CAPRIN1: variants seen among roughly 807,000 people sequenced by gnomAD.
CAPRIN1 encodes the protein cell cycle associated protein 1.
A neutral mutation model predicts 100.9 loss-of-function variants in CAPRIN1; 29 were observed. That is an observed-to-expected ratio of 0.29 (90% CI 0.21 to 0.39). CAPRIN1 has a LOEUF of 0.39. CAPRIN1 is among the 10% of genes least tolerant of loss of function. The probability of loss-of-function intolerance (pLI) is 1.00; values close to 1 mark genes in which losing one functional copy is unlikely to be tolerated. For missense variants in CAPRIN1, 795 were observed against 876.7 expected (o/e 0.91, Z 1.18); for synonymous variants, 338 against 307.5 (o/e 1.10, Z -1.04).
chr11:34,065,590 TCTCTG>T (rs1303206435), intron 2 of CAPRIN1, among the ~76,000 whole-genome samples: 4 of 152,124 alleles, frequency 2.6e-5, no homozygotes, highest in African/African-American at 9.7e-5. Flanking sequence ...CAACATAGGG[TCTCTG>T]CTCTGCAGAG....
intron 7 of CAPRIN1, among the ~76,000 whole-genome samples, chr11:34,082,206 A>C (rs1347999680): frequency 6.6e-6 from 1 of 151,622 alleles, no homozygotes; most frequent in Admixed American, 6.6e-5. Flanking sequence ...TTATTTTTTG[A>C]GATGGAGTTT....
chr11:34,087,991 GTATA>G (rs1285017726), intron 11 of CAPRIN1, among the ~76,000 whole-genome samples: 1 of 152,086 alleles, frequency 6.6e-6, no homozygotes, highest in Admixed American at 6.6e-5. Flanking sequence ...CTGTTAAAAA[GTATA>G]TATTATTTAT....
chr11:34,076,392 G>C lies in CAPRIN1; in HGVS notation c.523G>C (p.Val175Leu), dbSNP rs1256361609. Residue 175 changes from valine to leucine, a missense_variant, in exon 5 of 19, where the codon GTG becomes CTG. Val to Leu is a conservative substitution (Grantham distance 32). Around this residue, in one of 3 missense-constraint regions of CAPRIN1, gnomAD observed 648 missense variants for 697.9 expected, o/e 0.93. Transcript: ENST00000341394. ...RTDLKQGLNG[V>L]PILSEEELSL... ...TGACCTGAAACAAGGTTTGAATGGA[G>C]TGCCAATATTGTCCGAAGAGGAGTT... The C allele has an allele frequency of 6.2e-7, 1 of 1,614,194 alleles. No homozygotes were observed. The highest frequency in any genetic ancestry group is 8.5e-7 in the Non-Finnish European group (1 of 1,180,034).
At chr11:34,083,432 G>A (rs944707081) in intron 9 of CAPRIN1, among the ~76,000 whole-genome samples, 3 of 152,094 alleles carry the variant, frequency 2.0e-5, no homozygotes, top group Admixed American at 6.6e-5. Context: ...TTCCTCTAGC[G>A]TTTTCTAATG....
Position 34,099,306 on chromosome 11 carries a change from G to C in CAPRIN1, c.2069G>C (p.Arg690Pro). ...AAATGCCATTTTTGTCTTCTAGGTC[G>C]TGGAGGGCCCCCAAGACCCAACAGA... Reference protein sequence around the residue: ...QSGPRGAPRGRGGPPRPNRGM... With the variant: ...QSGPRGAPRGPGGPPRPNRGM... Residue 690 changes from arginine (R) to proline (P), a missense_variant, in exon 19 of 19, where the codon CGT becomes CCT. Transcript: ENST00000341394. 6.2e-7 allele frequency: 1 copy of C among 1,613,444 alleles called. No homozygotes were observed. Among genetic ancestry groups the C allele is most frequent in the Non-Finnish European group, 8.5e-7 (1 of 1,179,426 alleles).
chr11:34,091,674 C>G (rs1227080488), intron 14 of CAPRIN1: 5 of 340,818 alleles, frequency 1.5e-5, no homozygotes, highest in Non-Finnish European at 2.1e-5. Flanking sequence ...TTTTAATTCC[C>G]TACTTCCATT....
chr11:34,095,068 T>C (rs1449498673), intron 15 of CAPRIN1, among the ~76,000 whole-genome samples: 1 of 151,918 alleles, frequency 6.6e-6, no homozygotes, highest in African/African-American at 2.4e-5. Flanking sequence ...ATTTTGTTGT[T>C]GTTGTTGTTG....
intron 11 of CAPRIN1, among the ~76,000 whole-genome samples, chr11:34,088,455 GT>G (rs1342476209): frequency 1.3e-5 from 2 of 152,108 alleles, no homozygotes; most frequent in Non-Finnish European, 2.9e-5. Flanking sequence ...GAGCCCAGGA[GT>G]TTGAGACCAG....
At chr11:34,097,566 G>T in intron 17 of CAPRIN1, 132 bp from the exon 18 acceptor site, 1 of 906,394 alleles carries the variant, frequency 1.1e-6, no homozygotes, top group Admixed American at 2.2e-5. Flanking sequence ...ACAAGGTGTA[G>T]CTGTGATAAA....
intron 2 of CAPRIN1, among the ~76,000 whole-genome samples, chr11:34,068,255 C>G (rs557229930): frequency 5.9e-5 from 9 of 152,310 alleles, no homozygotes; most frequent in Admixed American, 5.9e-4. Flanking sequence ...GCTCCAAATA[C>G]AAGGTGTTTG....
At chr11:34,079,515 G>A (rs539389646) in intron 6 of CAPRIN1, 113 bp from the exon 7 acceptor site, 1 of 752,236 alleles carries the variant, frequency 1.3e-6, no homozygotes, top group Middle Eastern at 3.8e-4. Flanking sequence ...ATGTGTATAT[G>A]TGTTTTAGTA....
Position 34,092,151 on chromosome 11 carries a change from A to G in CAPRIN1, c.1705+95A>G, listed in dbSNP as rs1590746069. The G allele has an allele frequency of 6.3e-6, 8 of 1,268,034 alleles. No homozygotes were observed. In the East Asian group the frequency reaches 2.0e-4, roughly 31 times the overall value. The allele number at this position is 1,268,034 out of a possible 1,614,324, so 78.5% of individuals were successfully genotyped here. ...TTAGACTTCAGAGTGGTGGTGTCCA[A>G]GAGTTTCTGTTTTAGTAGCAGACCA... On this transcript the variant is annotated intron_variant, in intron 15 of 18. Coordinates refer to ENST00000341394, the MANE Select transcript of CAPRIN1 (RefSeq NM_005898.5).
intron 2 of CAPRIN1, among the ~76,000 whole-genome samples, chr11:34,068,343 ACTCTTG>A (rs1850740003): frequency 6.6e-6 from 1 of 152,202 alleles, no homozygotes; most frequent in African/African-American, 2.4e-5. Context: ...CTTATACAGT[ACTCTTG>A]GTTGAAGCTC....
chr11:34,069,347 A>G (rs1565086939), intron 2 of CAPRIN1, among the ~76,000 whole-genome samples: 1 of 151,898 alleles, frequency 6.6e-6, no homozygotes, highest in African/African-American at 2.4e-5. Flanking sequence ...ACGGGGTTTC[A>G]CAGTGTTGGC....
In CAPRIN1 at chr11:34,101,294, G is replaced by A. The variant is rs1293457360; in HGVS notation, c.*1927G>A. ...GATGTACCACAACCATATGTTACCTGTATCTTAGGGGAATGGATAAAATAT... is the reference window on the plus strand; with the variant it reads ...GATGTACCACAACCATATGTTACCTATATCTTAGGGGAATGGATAAAATAT... On this transcript the variant is annotated 3_prime_UTR_variant, in exon 19 of 19. Transcript: ENST00000341394. 6.6e-6 allele frequency: 1 copy of A among 152,148 alleles called. No individual in the cohort carries two copies. The highest frequency in any genetic ancestry group is 1.5e-5 in the Non-Finnish European group (1 of 68,000). 9.4% of individuals were successfully genotyped at this position (152,148 alleles called of 1,614,324 possible).
intron 15 of CAPRIN1, among the ~76,000 whole-genome samples, chr11:34,092,828 C>A (rs1851288292): frequency 6.6e-6 from 1 of 152,068 alleles, no homozygotes; most frequent in East Asian, 1.9e-4. Flanking sequence ...AGTTACCATA[C>A]CTGTCACGAT....
Position 34,092,835 on chromosome 11 carries a change from C to T in CAPRIN1, c.1705+779C>T, listed in dbSNP as rs80070422. On this transcript the variant is annotated intron_variant, in intron 15 of 18. Transcript: ENST00000341394. Reference sequence around the variant, plus strand: ...ATTTGGCTAGTTACCATACCTGTCACGATAGTAATGTAGGTAGGGACGCTT... The same window carrying T: ...ATTTGGCTAGTTACCATACCTGTCATGATAGTAATGTAGGTAGGGACGCTT... Among the ~76,000 whole-genome samples, 452 of 152,114 alleles carry T rather than the reference C, an allele frequency of 3.0e-3. 3 individuals are homozygous for T. Among genetic ancestry groups the T allele is most frequent in the African/African-American group, 0.01 (432 of 41,496 alleles).
chr11:34,096,556 A>G lies in CAPRIN1; in HGVS notation c.1783A>G (p.Thr595Ala). ...GNHQQPPQQN[T>A]GFPRSNQPYY... ...CCACCAGCAGCCTCCTCAGCAGAAC[A>G]CTGGATTTCCACGTAGCAATCAGCC... Residue 595 changes from threonine to alanine, a missense_variant, in exon 16 of 19, where the codon ACT (threonine) becomes GCT (alanine). By Grantham distance (58) the Thr-to-Ala change is moderately conservative. Around this residue, in one of 3 missense-constraint regions of CAPRIN1, gnomAD observed 648 missense variants for 697.9 expected, o/e 0.93. Transcript: ENST00000341394. 2 of 1,614,092 alleles carry G rather than the reference A, an allele frequency of 1.2e-6. No individual in the cohort carries two copies. The highest frequency in any genetic ancestry group is 8.5e-7 in the Non-Finnish European group (1 of 1,179,988).
At chr11:34,066,245 G>T (rs545666645) in intron 2 of CAPRIN1, among the ~76,000 whole-genome samples, 1 of 152,304 alleles carries the variant, frequency 6.6e-6, no homozygotes, top group Non-Finnish European at 1.5e-5. Context: ...GCCTGTCAAA[G>T]TGCTAAAGTG....
Sources: allele counts gnomAD v4.1 joint callset (sites outside exome capture counted in the v4.1 genomes callset), GRCh38; gene constraint gnomAD v4.1.1; regional missense constraint gnomAD v4.1.1; transcripts MANE v1.5; gene names NCBI Gene and HGNC (gene_info 2026-07-23, HGNC 2026-07-21).